LRRC49: variants seen among roughly 807,000 people sequenced by gnomAD.
LRRC49 encodes the protein leucine rich repeat containing 49, also known as leucine-rich repeat-containing protein 49.
LRRC49 carries 50 observed loss-of-function variants against 83.3 expected under a neutral mutation model. That is an observed-to-expected ratio of 0.60 (90% CI 0.48 to 0.76). The LOEUF is 0.76. Among genes scored for constraint, LRRC49 ranks in the 30% least tolerant of loss-of-function variants. The pLI is 0.00. For missense variants in LRRC49, 704 were observed against 809.1 expected (o/e 0.87, Z 1.58); for synonymous variants, 286 against 283.3 (o/e 1.01, Z -0.10).
chr15:70,872,330 A>G (rs11072233), intron 1 of LRRC49, among the ~76,000 whole-genome samples: 83,098 of 151,628 alleles, frequency 0.55, 23,507 homozygotes, highest in Admixed American at 0.7. Flanking sequence ...GTTGCAGTGA[A>G]CCGAGATTGC....
At chr15:70,972,803 C>T (rs761295651) in intron 9 of LRRC49, among the ~76,000 whole-genome samples, 9 of 151,980 alleles carry the variant, frequency 5.9e-5, no homozygotes, top group Non-Finnish European at 7.4e-5. Flanking sequence ...GTACGCTTCA[C>T]GAAATTCTTG....
intron 8 of LRRC49, among the ~76,000 whole-genome samples, chr15:70,954,931 G>C (rs2141185028): frequency 6.6e-6 from 1 of 152,228 alleles, no homozygotes; most frequent in Non-Finnish European, 1.5e-5. Flanking sequence ...ACTCTGGCAG[G>C]GGCACTGAGG....
chr15:70,891,564 ACT>A (rs1033824422), upstream of LRRC49, among the ~76,000 whole-genome samples: 7 of 121,816 alleles, frequency 5.7e-5, no homozygotes, highest in South Asian at 5.6e-4. Flanking sequence ...GCAGGACAAG[ACT>A]CTGTGTGTGT....
At chr15:70,914,313 A>C (rs1400205571) in intron 6 of LRRC49, among the ~76,000 whole-genome samples, 1 of 152,208 alleles carries the variant, frequency 6.6e-6, no homozygotes, top group East Asian at 1.9e-4. Context: ...AAAGACATTA[A>C]GTGAATGTTT....
At chr15:70,930,035 C>T (rs536257590) in intron 7 of LRRC49, among the ~76,000 whole-genome samples, 1 of 152,220 alleles carries the variant, frequency 6.6e-6, no homozygotes, top group South Asian at 2.1e-4. Context: ...TTGACCTCCT[C>T]CCATGAATCA....
intron 2 of LRRC49, among the ~76,000 whole-genome samples, chr15:70,893,876 T>G (rs1031659307): frequency 5.3e-5 from 8 of 152,050 alleles, no homozygotes; most frequent in African/African-American, 1.4e-4. Flanking sequence ...TTGTTTTTTT[T>G]TTTTGACATT....
chr15:70,904,259 A>G (rs931970511), intron 4 of LRRC49, among the ~76,000 whole-genome samples: 2 of 152,182 alleles, frequency 1.3e-5, no homozygotes, highest in African/African-American at 4.8e-5. Context: ...ATTATGTTGA[A>G]TGTTTTCTCA....
At chr15:70,905,474 G>T (rs543667477) in intron 5 of LRRC49, among the ~76,000 whole-genome samples, 1 of 152,048 alleles carries the variant, frequency 6.6e-6, no homozygotes. Context: ...TGGATTACTC[G>T]TTGCAGGAAA....
chr15:70,994,932 A>G (rs986470038), intron 11 of LRRC49, among the ~76,000 whole-genome samples: 6 of 152,210 alleles, frequency 3.9e-5, no homozygotes, highest in African/African-American at 1.2e-4. Context: ...ATCCAGAGGG[A>G]GCTAACTGGG....
Position 71,012,853 on chromosome 15 carries a change from CA to C in LRRC49, c.1644del (p.His549MetfsTer2). On this transcript the variant is annotated frameshift_variant, in exon 14 of 16. Transcript: ENST00000260382. LOFTEE classifies it high-confidence loss of function. ...IMAERLFGIL[A>X]HVASSELPQY... Reference sequence around the variant, plus strand: ...GCTGAAAGGCTCTTTGGAATCCTAGCACATGTAGCATCTTCTGAGTTACCCC... The same window carrying C: ...GCTGAAAGGCTCTTTGGAATCCTAGCCATGTAGCATCTTCTGAGTTACCCC... The C allele has an allele frequency of 1.2e-6, 2 of 1,613,256 alleles. No individual in the cohort carries two copies. Among genetic ancestry groups the C allele is most frequent in the Non-Finnish European group, 1.7e-6 (2 of 1,179,420 alleles).
rs533431502 is a variant in LRRC49, at chr15:70,972,815, G to C, written c.922-7286G>C. Reference sequence around the variant, plus strand: ...TGTGTACGCTTCACGAAATTCTTGTGCTGTGTTTTTCAGCTCCATCAGGTC... The same window carrying C: ...TGTGTACGCTTCACGAAATTCTTGTCCTGTGTTTTTCAGCTCCATCAGGTC... On this transcript the variant is annotated intron_variant, in intron 9 of 15. Transcript: ENST00000260382. Among the ~76,000 whole-genome samples, 7 of 152,106 alleles carry C rather than the reference G, an allele frequency of 4.6e-5. No individual in the cohort carries two copies. In the South Asian group the frequency reaches 1.5e-3, roughly 32 times the overall value.
At chr15:70,919,824 G>A (rs898091993) in intron 7 of LRRC49, among the ~76,000 whole-genome samples, 3 of 152,190 alleles carry the variant, frequency 2.0e-5, no homozygotes, top group African/African-American at 7.2e-5. Flanking sequence ...CATGAAGATG[G>A]TAGAGAACTG....
rs1251964640 is a variant in LRRC49 at position 70,987,421 on chromosome 15, A to G, written c.1169+3164A>G. The stretch of plus-strand genomic sequence containing the variant: ...CTTCTAGATTTTCTAGTTTATTTGC[A>G]TAGAGGTGTTTGTAGTATTCTCTGA... On this transcript the variant is annotated intron_variant, in intron 11 of 15. Coordinates refer to ENST00000260382, the MANE Select transcript of LRRC49 (RefSeq NM_017691.5). Among the ~76,000 whole-genome samples, 7 of 152,232 alleles carry G rather than the reference A, an allele frequency of 4.6e-5. No individual in the cohort carries two copies. In the East Asian group the frequency reaches 9.6e-4, roughly 21 times the overall value.
chr15:70,869,283 T>C (rs1476691106), intron 1 of LRRC49, among the ~76,000 whole-genome samples: 1 of 152,154 alleles, frequency 6.6e-6, no homozygotes, highest in Non-Finnish European at 1.5e-5. Context: ...TTCTGGATAG[T>C]ATTATATTTG....
At chr15:70,907,650 T>C (rs1384725375) in intron 5 of LRRC49, among the ~76,000 whole-genome samples, 1 of 152,172 alleles carries the variant, frequency 6.6e-6, no homozygotes, top group African/African-American at 2.4e-5. Flanking sequence ...AGGATTTGTT[T>C]CTGACACCTG....
At chr15:70,877,632 G>A (rs1439038962) in intron 2 of LRRC49, among the ~76,000 whole-genome samples, 1 of 152,154 alleles carries the variant, frequency 6.6e-6, no homozygotes, top group Non-Finnish European at 1.5e-5. Context: ...GCTCTTATGA[G>A]CATTTGTGTA....
At chr15:70,956,470 G>A (rs2036404495) in intron 8 of LRRC49, among the ~76,000 whole-genome samples, 1 of 148,868 alleles carries the variant, frequency 6.7e-6, no homozygotes, top group African/African-American at 2.5e-5. Flanking sequence ...CTAAAGAGAT[G>A]AGAGCAATTG....
intron 14 of LRRC49, among the ~76,000 whole-genome samples, chr15:71,034,574 T>G (rs750226477): frequency 6.6e-6 from 1 of 152,208 alleles, no homozygotes; most frequent in Admixed American, 6.5e-5. Context: ...TTATAACATG[T>G]ACATGTATGT....
chr15:71,006,176 G>C (rs1320115303), intron 11 of LRRC49, among the ~76,000 whole-genome samples: 1 of 152,162 alleles, frequency 6.6e-6, no homozygotes, highest in Admixed American at 6.5e-5. Flanking sequence ...CTGTTTTACT[G>C]AATGTAGCCT....
Sources: gnomAD v4.1 joint callset for allele counts (sites outside exome capture counted in the v4.1 genomes callset) on GRCh38, gnomAD v4.1.1 for gene constraint, MANE v1.5 for transcripts, NCBI Gene and HGNC (gene_info 2026-07-23, HGNC 2026-07-21) for gene names.